RYR3: variants seen among roughly 807,000 people sequenced by gnomAD.
RYR3 encodes brain ryanodine receptor-calcium release channel.
Under a neutral mutation model 584.3 loss-of-function variants are expected in RYR3, and 207 were observed. That is an observed-to-expected ratio of 0.35 (90% confidence interval 0.32 to 0.40). RYR3 has a LOEUF of 0.40. Among genes scored for constraint, RYR3 ranks in the 10% least tolerant of loss-of-function variants. The pLI, the probability that RYR3 is intolerant of heterozygous loss-of-function variation, is 1.00. For synonymous variants in RYR3, 2,416 were observed against 2,248.5 expected, an observed-to-expected ratio of 1.07 and a Z score of -2.11; for missense variants, 5,616 against 6,089.2, an observed-to-expected ratio of 0.92 and a Z score of 2.59.
intron 53 of RYR3, among the ~76,000 whole-genome samples, chr15:33,746,867 GGT>G (rs1371564933): frequency 1.4e-5 from 2 of 147,316 alleles, no homozygotes; most frequent in African/African-American, 5.0e-5. Flanking sequence ...AGAGTGTAGT[GGT>G]GTGATCTCGG....
intron 32 of RYR3, among the ~76,000 whole-genome samples, chr15:33,657,628 G>C (rs182132102): frequency 2.2e-3 from 337 of 152,342 alleles, no homozygotes; most frequent in African/African-American, 7.8e-3. Flanking sequence ...CACAAAGCAA[G>C]TATATAATAG....
chr15:33,508,413 G>C (rs1390587524), intron 3 of RYR3, among the ~76,000 whole-genome samples: 2 of 152,104 alleles, frequency 1.3e-5, no homozygotes, highest in Non-Finnish European at 2.9e-5. Context: ...ACTCTGGGAG[G>C]CTGAGGCGGG....
intron 1 of RYR3, among the ~76,000 whole-genome samples, chr15:33,319,185 G>A (rs757613435): frequency 6.6e-6 from 1 of 152,170 alleles, no homozygotes; most frequent in Non-Finnish European, 1.5e-5. Context: ...TCCATCAATG[G>A]CACATAAATG....
intron 1 of RYR3, among the ~76,000 whole-genome samples, chr15:33,463,481 G>A (rs566526571): frequency 5.9e-5 from 9 of 152,050 alleles, no homozygotes; most frequent in South Asian, 2.1e-4. Context: ...AATTCTCTGG[G>A]TAGCAACTAG....
intron 1 of RYR3, among the ~76,000 whole-genome samples, chr15:33,359,906 C>T (rs931548349): frequency 2.0e-5 from 3 of 151,846 alleles, no homozygotes; most frequent in African/African-American, 7.3e-5. Flanking sequence ...TAGGCGTGAG[C>T]CACCGGGCCC....
intron 86 of RYR3, among the ~76,000 whole-genome samples, chr15:33,833,250 A>G (rs1172560801): frequency 6.6e-6 from 1 of 152,208 alleles, no homozygotes; most frequent in Admixed American, 6.5e-5. Flanking sequence ...TTTCTTTCCC[A>G]AAGAACTTTT....
At chr15:33,758,088 G>A (rs889947828) in intron 60 of RYR3, among the ~76,000 whole-genome samples, 1 of 152,186 alleles carries the variant, frequency 6.6e-6, no homozygotes, top group Admixed American at 6.5e-5. Context: ...GGACTGTGCT[G>A]TGAGAAACGG....
At chr15:33,342,188 A>G (rs925752788) in intron 1 of RYR3, among the ~76,000 whole-genome samples, 1 of 152,244 alleles carries the variant, frequency 6.6e-6, no homozygotes, top group African/African-American at 2.4e-5. Context: ...CAGATGTCAC[A>G]TGAGCACTCC....
intron 2 of RYR3, among the ~76,000 whole-genome samples, chr15:33,479,181 C>T (rs1333670336): frequency 6.6e-6 from 1 of 152,152 alleles, no homozygotes; most frequent in Non-Finnish European, 1.5e-5. Flanking sequence ...GTACAAACAT[C>T]ATTATGTAGA....
chr15:33,655,862 CAAG>C (rs945038622), intron 32 of RYR3, among the ~76,000 whole-genome samples: 16 of 152,102 alleles, frequency 1.1e-4, no homozygotes, highest in South Asian at 4.1e-4. Context: ...TCAATTATGT[CAAG>C]AAGAACAGTC....
rs541166619 is a variant in RYR3, at chr15:33,761,302, A to G, written c.8705+3706A>G. Among the ~76,000 whole-genome samples, 5 of 152,322 alleles carry G rather than the reference A, an allele frequency of 3.3e-5. No homozygotes were observed. In the South Asian group the frequency reaches 1.0e-3, roughly 32 times the overall value. On this transcript the variant is annotated intron_variant, in intron 60 of 103. Coordinates refer to ENST00000634891, the MANE Select transcript of RYR3 (RefSeq NM_001036.6). ...GACACGAAAAACCCTTAAAAAAATCAGTGAATCCAGGAGCTGTTTTTTTGA... is the reference window on the plus strand; with the variant it reads ...GACACGAAAAACCCTTAAAAAAATCGGTGAATCCAGGAGCTGTTTTTTTGA...
chr15:33,774,542 G>T (rs1458497242), intron 64 of RYR3, among the ~76,000 whole-genome samples: 2 of 152,104 alleles, frequency 1.3e-5, no homozygotes, highest in Non-Finnish European at 1.5e-5. Context: ...TGAAATAAAA[G>T]ACTTCAGCCC....
chr15:33,563,220 AT>A (rs1438445064), intron 11 of RYR3, among the ~76,000 whole-genome samples: 1 of 152,248 alleles, frequency 6.6e-6, no homozygotes, highest in East Asian at 1.9e-4. Flanking sequence ...GAAAAAACAA[AT>A]ACACAGCAAA....
chr15:33,629,167 G>C (rs1230989047), intron 21 of RYR3, among the ~76,000 whole-genome samples: 2 of 152,200 alleles, frequency 1.3e-5, no homozygotes, highest in Non-Finnish European at 1.5e-5. Flanking sequence ...CATGAGGATG[G>C]CTTCACCATT....
chr15:33,624,207 A>G (rs1418811536), intron 20 of RYR3, among the ~76,000 whole-genome samples, 184 bp downstream of exon 20: 7 of 152,262 alleles, frequency 4.6e-5, no homozygotes, highest in African/African-American at 9.6e-5. Context: ...GGATTTCTCA[A>G]TCAGTGAACA....
intron 1 of RYR3, among the ~76,000 whole-genome samples, chr15:33,472,347 CAGTTTA>C (rs1264782215): frequency 4.6e-5 from 7 of 152,206 alleles, no homozygotes; most frequent in Admixed American, 3.3e-4. Context: ...ATTCTAGACA[CAGTTTA>C]AGAAAAATGA....
chr15:33,752,123 G>A (rs2071372931), intron 57 of RYR3, among the ~76,000 whole-genome samples: 1 of 152,142 alleles, frequency 6.6e-6, no homozygotes, highest in African/African-American at 2.4e-5. Flanking sequence ...TGCTGTTTTT[G>A]TTACTGTAGC....
At chr15:33,423,958 G>A (rs1471088056) in intron 1 of RYR3, among the ~76,000 whole-genome samples, 1 of 152,122 alleles carries the variant, frequency 6.6e-6, no homozygotes. Flanking sequence ...TTTGCTAAAC[G>A]GCAGCTCTTG....
At chr15:33,543,806 C>A in intron 8 of RYR3, 91 bp downstream of exon 8, 1 of 885,966 alleles carries the variant, frequency 1.1e-6, no homozygotes, top group Non-Finnish European at 1.9e-6. Flanking sequence ...CATATATGAA[C>A]TCTGTACATG....
Sources: gnomAD v4.1 joint callset for allele counts (sites outside exome capture counted in the v4.1 genomes callset) on GRCh38, gnomAD v4.1.1 for gene constraint, MANE v1.5 for transcripts, NCBI Gene and HGNC (gene_info 2026-07-23, HGNC 2026-07-21) for gene names.